Variants in OR51B5 observed in about 807,000 individuals in gnomAD.
The protein encoded by OR51B5 is olfactory receptor family 51 subfamily B member 5.
For missense variants in OR51B5, 456 were observed against 374.6 expected (o/e 1.22, Z -1.79); for synonymous variants, 186 against 144.8 (o/e 1.28, Z -2.04).
intron 1 of OR51B5, among the ~76,000 whole-genome samples, chr11:5,361,137 T>C (rs1488206456): frequency 7.5e-6 from 1 of 133,552 alleles, no homozygotes; most frequent in Non-Finnish European, 1.7e-5. Context: ...ACTTAAAGTA[T>C]AATAATAAAA....
At chr11:5,413,888 A>G (rs1219858849) in intron 1 of OR51B5, among the ~76,000 whole-genome samples, 2 of 151,164 alleles carry the variant, frequency 1.3e-5, no homozygotes, top group South Asian at 2.1e-4. Flanking sequence ...AACTTCCCCA[A>G]TCTAGCAGGG....
At chr11:5,349,828 C>T (rs1417290647) in intron 1 of OR51B5, among the ~76,000 whole-genome samples, 3 of 152,088 alleles carry the variant, frequency 2.0e-5, no homozygotes, top group African/African-American at 4.8e-5. Context: ...CCAGGCTCAA[C>T]GTTACTTTTA....
intron 1 of OR51B5, among the ~76,000 whole-genome samples, chr11:5,419,283 A>G (rs550742000): frequency 1.3e-3 from 201 of 152,320 alleles, no homozygotes; most frequent in Middle Eastern, 6.8e-3. Flanking sequence ...TTAGCATCTC[A>G]GGTAATAAGG....
intron 1 of OR51B5, among the ~76,000 whole-genome samples, chr11:5,416,810 C>T (rs2133755707): frequency 6.6e-6 from 1 of 151,550 alleles, no homozygotes; most frequent in African/African-American, 2.4e-5. Flanking sequence ...ATTCCATGCT[C>T]ATGGGTAGGA....
At chr11:5,389,819 C>G (rs756479150) in intron 1 of OR51B5, 1 of 1,613,870 alleles carries the variant, frequency 6.2e-7, no homozygotes, top group East Asian at 2.2e-5. Flanking sequence ...CATCTGCCAC[C>G]CTCTGAGGTA....
At chr11:5,453,608 G>T (rs2030094) in intron 1 of OR51B5, 779,830 of 1,612,772 alleles carry the variant, frequency 0.48, 191,740 homozygotes, top group Non-Finnish European at 0.51. Context: ...TGGCCCTTGG[G>T]GGAAATACAG....
intron 1 of OR51B5, chr11:5,390,412 T>C (rs1316335956): frequency 1.5e-5 from 22 of 1,514,548 alleles, no homozygotes; most frequent in Non-Finnish European, 2.0e-5. Flanking sequence ...TAGAGGCCTA[T>C]AAGAAGGCCC....
chr11:5,359,440 G>T (rs76009169), intron 1 of OR51B5, among the ~76,000 whole-genome samples: 1,653 of 94,032 alleles, frequency 0.018, 49 homozygotes, highest in Middle Eastern at 0.038. Flanking sequence ...TTACAAGAGA[G>T]GTGAAGGACC....
At chr11:5,474,550 T>C (rs1160295700) in intron 1 of OR51B5, among the ~76,000 whole-genome samples, 1 of 152,164 alleles carries the variant, frequency 6.6e-6, no homozygotes, top group East Asian at 1.9e-4. Flanking sequence ...AGACACGAAA[T>C]TTTTGAATTT....
chr11:5,375,933 A>G (rs1381750783), intron 1 of OR51B5, among the ~76,000 whole-genome samples: 1 of 152,052 alleles, frequency 6.6e-6, no homozygotes, highest in Non-Finnish European at 1.5e-5. Context: ...ATATCCAGGA[A>G]TTGAACACAG....
At chr11:5,358,587 C>T (rs550921241) in intron 1 of OR51B5, among the ~76,000 whole-genome samples, 1 of 152,264 alleles carries the variant, frequency 6.6e-6, no homozygotes, top group Non-Finnish European at 1.5e-5. Context: ...GGTACCATTC[C>T]CTCTGAAACT....
intron 1 of OR51B5, among the ~76,000 whole-genome samples, chr11:5,360,777 G>A (rs1222061453): frequency 1.4e-5 from 2 of 147,954 alleles, no homozygotes; most frequent in African/African-American, 2.5e-5. Flanking sequence ...TTAAGAAAAC[G>A]TGGCACATAT....
chr11:5,379,084 T>C (rs1589963684), intron 1 of OR51B5, among the ~76,000 whole-genome samples: 1 of 151,546 alleles, frequency 6.6e-6, no homozygotes, highest in Admixed American at 6.6e-5. Context: ...AATGATAGAC[T>C]GGATTAAGAA....
intron 1 of OR51B5, chr11:5,351,464 T>G: frequency 5.4e-6 from 8 of 1,492,562 alleles, no homozygotes; most frequent in Non-Finnish European, 7.3e-6. Context: ...CTGATTACTA[T>G]TGCTTTACCT....
At chr11:5,489,255 G>C in intron 1 of OR51B5, 4 of 1,614,016 alleles carry the variant, frequency 2.5e-6, no homozygotes, top group Non-Finnish European at 3.4e-6. Context: ...CATACTGTGA[G>C]CATATGGGCA....
exon 1 of OR51B5, chr11:5,342,889 GATAATC>G (rs766185385): frequency 6.2e-7 from 1 of 1,613,616 alleles, no homozygotes; most frequent in Admixed American, 1.7e-5. Flanking sequence ...AGGAGATGAA[GATAATC>G]AGATAATCCA....
intron 1 of OR51B5, among the ~76,000 whole-genome samples, chr11:5,350,194 C>G (rs1462057285): frequency 6.8e-6 from 1 of 146,910 alleles, no homozygotes; most frequent in Non-Finnish European, 1.5e-5. Context: ...ACTGAGAAGA[C>G]AGAAATCACT....
At chr11:5,470,432 A>C (rs1347968078) in intron 1 of OR51B5, among the ~76,000 whole-genome samples, 2 of 152,102 alleles carry the variant, frequency 1.3e-5, no homozygotes, top group East Asian at 3.8e-4. Context: ...TTTCACAACT[A>C]ATACCTTGGA....
chr11:5,475,127 C>G (rs946037377), intron 1 of OR51B5, among the ~76,000 whole-genome samples: 1 of 152,122 alleles, frequency 6.6e-6, no homozygotes, highest in African/African-American at 2.4e-5. Context: ...TCTCTAGACC[C>G]AAATATCAAC....
Sources: gnomAD v4.1 joint callset for allele counts (sites outside exome capture counted in the v4.1 genomes callset) on GRCh38, gnomAD v4.1.1 for gene constraint, MANE v1.5 for transcripts, NCBI Gene and HGNC (gene_info 2026-07-23, HGNC 2026-07-21) for gene names.